The following EPB41L1 variants were observed in gnomAD, a reference collection of about 807,000 sequenced individuals.
The protein encoded by EPB41L1 is erythrocyte membrane protein band 4.1 like 1.
Under a neutral mutation model 97.8 loss-of-function variants are expected in EPB41L1, and 29 were observed. The ratio of observed to expected loss-of-function variants is 0.30; its 90% CI spans 0.22 to 0.40. The LOEUF (loss-of-function observed/expected upper bound fraction) is 0.40, where lower values mean the gene tolerates loss of function less well. Ranked by LOEUF, EPB41L1 falls within the 10% of genes least tolerant of loss-of-function variation. EPB41L1 has a pLI of 1.00. For synonymous variants in EPB41L1, 383 were observed against 459.2 expected, an observed-to-expected ratio of 0.83 and a Z score of 2.12; for missense variants, 812 against 1,162.3, an observed-to-expected ratio of 0.70 and a Z score of 4.38.
chr20:36,101,094 C>T (rs1297590328), intron 1 of EPB41L1, among the ~76,000 whole-genome samples: 2 of 152,160 alleles, frequency 1.3e-5, no homozygotes, highest in Non-Finnish European at 2.9e-5. Context: ...TTGCAAAGAG[C>T]ATTACTTTTG....
intron 14 of EPB41L1, among the ~76,000 whole-genome samples, chr20:36,204,435 T>G (rs1000939851): frequency 2.0e-5 from 3 of 151,088 alleles, no homozygotes; most frequent in African/African-American, 7.3e-5. Context: ...AGGTAGAGGC[T>G]GTTGGGAGAT....
At chr20:36,127,361 C>G (rs146382352) in intron 2 of EPB41L1, among the ~76,000 whole-genome samples, 162 of 152,294 alleles carry the variant, frequency 1.1e-3, no homozygotes, top group Non-Finnish European at 2.0e-3. Context: ...TGATTGGCTC[C>G]TGCTGGAGCT....
At position 36,207,202 on chromosome 20, in the gene EPB41L1, G is replaced by A. The variant is rs1330582372; in HGVS notation, c.1669-2286G>A. ...GCTCAGGGAGCCCTTTCTTAGACAT[G>A]TCCATCTTTCGAAAGCCAGCCCAGA... is the stretch of plus-strand genomic sequence containing the variant. On this transcript the variant is annotated intron_variant, in intron 14 of 21. Coordinates refer to ENST00000338074, the MANE Select transcript of EPB41L1 (RefSeq NM_012156.2). This position sits in a 1 kb window ranked among gnomAD's most constrained non-coding sequence, Gnocchi z 4.9. The A allele has an allele frequency of 7.8e-7, 1 of 1,285,704 alleles. No homozygotes were observed. Among genetic ancestry groups the A allele is most frequent in the Non-Finnish European group, 1.0e-6 (1 of 986,098 alleles). 79.6% of individuals were successfully genotyped at this position (1,285,704 alleles called of 1,614,324 possible).
At chr20:36,129,937 T>G (rs1239043637) in intron 2 of EPB41L1, among the ~76,000 whole-genome samples, 1 of 149,950 alleles carries the variant, frequency 6.7e-6, no homozygotes, top group Non-Finnish European at 1.5e-5. Flanking sequence ...CAGGTTTGTT[T>G]TTTTTTTTTG....
intron 2 of EPB41L1, among the ~76,000 whole-genome samples, chr20:36,117,325 T>C (rs773026465): frequency 7.2e-5 from 11 of 152,200 alleles, no homozygotes; most frequent in Non-Finnish European, 1.5e-4. Context: ...ATTTCTTCTG[T>C]GACTCTTACA....
intron 2 of EPB41L1, among the ~76,000 whole-genome samples, chr20:36,118,876 T>A (rs2058666870): frequency 6.6e-6 from 1 of 152,222 alleles, no homozygotes; most frequent in African/African-American, 2.4e-5. Context: ...AGGGCAAGAA[T>A]AATGATCCCC....
intron 2 of EPB41L1, among the ~76,000 whole-genome samples, chr20:36,141,376 G>A (rs898605712): frequency 1.2e-4 from 19 of 152,174 alleles, no homozygotes; most frequent in Non-Finnish European, 2.6e-4. Context: ...ATGAGGGAAT[G>A]GGACTCTGTT....
Position 36,229,497 on chromosome 20 carries a change from G to T in EPB41L1, c.*157G>T. The T allele has an allele frequency of 2.9e-6, 2 of 682,950 alleles. No individual in the cohort carries two copies. The highest frequency in any genetic ancestry group is 5.3e-6 in the Non-Finnish European group (2 of 377,444). 42.3% of individuals were successfully genotyped at this position (682,950 alleles called of 1,614,324 possible). Reference sequence around the variant, plus strand: ...GGGAAGGGAAAAGCATATATATATAGATATATAGAGATATAGATATATATA... The same window carrying T: ...GGGAAGGGAAAAGCATATATATATATATATATAGAGATATAGATATATATA... On this transcript the variant is annotated 3_prime_UTR_variant, in exon 22 of 22. Coordinates refer to ENST00000338074, the MANE Select transcript of EPB41L1 (RefSeq NM_012156.2).
At chr20:36,149,392 C>T (rs2059958640) in intron 2 of EPB41L1, among the ~76,000 whole-genome samples, 1 of 152,186 alleles carries the variant, frequency 6.6e-6, no homozygotes, top group Admixed American at 6.5e-5. Flanking sequence ...AGGCTTAACG[C>T]AGGAGGGTGT....
At chr20:36,144,945 T>G (rs1337833240) in intron 2 of EPB41L1, among the ~76,000 whole-genome samples, 1 of 152,050 alleles carries the variant, frequency 6.6e-6, no homozygotes, top group African/African-American at 2.4e-5. Context: ...GGATATGAAG[T>G]CAGGTCCTCT....
At chr20:36,102,142 G>A (rs1336954924) in intron 1 of EPB41L1, among the ~76,000 whole-genome samples, 1 of 152,090 alleles carries the variant, frequency 6.6e-6, no homozygotes, top group Non-Finnish European at 1.5e-5. Flanking sequence ...ATCCGAGGTA[G>A]GGCCCCGGAA....
chr20:36,211,279 C>A (rs554486759), intron 15 of EPB41L1, among the ~76,000 whole-genome samples: 93 of 151,700 alleles, frequency 6.1e-4, no homozygotes, highest in African/African-American at 2.1e-3. Flanking sequence ...CCCAACTACT[C>A]GGGAGGCAGG....
At chr20:36,216,398 G>C (rs539534564) in intron 17 of EPB41L1, among the ~76,000 whole-genome samples, 14 of 152,336 alleles carry the variant, frequency 9.2e-5, no homozygotes, top group Admixed American at 3.3e-4. Flanking sequence ...GAGGAGTCGG[G>C]GGGGAAGAGC....
chr20:36,178,530 A>G (rs1168183877), intron 4 of EPB41L1, 100 bp from the exon 5 acceptor site: 7 of 1,237,284 alleles, frequency 5.7e-6, no homozygotes, highest in African/African-American at 1.5e-5. Context: ...CGTTCCCTAC[A>G]AGGGGCTGCT....
intron 2 of EPB41L1, among the ~76,000 whole-genome samples, chr20:36,138,464 T>C (rs1200202306): frequency 6.6e-6 from 1 of 152,004 alleles, no homozygotes; most frequent in Non-Finnish European, 1.5e-5. Context: ...GGTTTCACCA[T>C]GTTGGCCAGG....
Position 36,209,358 on chromosome 20 carries a change from C to A in EPB41L1, c.1669-130C>A. 2 of 724,670 alleles carry A rather than the reference C, an allele frequency of 2.8e-6. No homozygotes were observed. The highest frequency in any genetic ancestry group is 4.0e-6 in the Non-Finnish European group (2 of 501,482). The allele number at this position is 724,670 out of a possible 1,614,324, so 44.9% of individuals were successfully genotyped here. ...ACCTTTCCTGGGGTGTTTTTCATTT[C>A]CTGGCCTGCTCTTCCATTCAGGATG... On this transcript the variant is annotated intron_variant, in intron 14 of 21. Transcript: ENST00000338074. The surrounding 1 kb of genome is among the most constrained non-coding windows in gnomAD (Gnocchi z 4.2).
chr20:36,155,877 G>A (rs367701631), intron 1 of EPB41L1: 17 of 260,970 alleles, frequency 6.5e-5, no homozygotes, highest in South Asian at 1.7e-4. Context: ...GGGCTGTGCG[G>A]GGTCCAGCGG....
intron 1 of EPB41L1, chr20:36,110,933 C>G (rs2058381646): frequency 6.6e-6 from 1 of 152,102 alleles, no homozygotes. Flanking sequence ...GGCTCCAGAC[C>G]CCAGCCGCAG....
At chr20:36,222,062 C>T in intron 20 of EPB41L1, 118 bp downstream of exon 20, 1 of 1,186,526 alleles carries the variant, frequency 8.4e-7, no homozygotes, top group Non-Finnish European at 1.3e-6. Flanking sequence ...TTCTTGCTGA[C>T]CCTGTTCAGA....
Sources: gnomAD v4.1 joint callset for allele counts (sites outside exome capture counted in the v4.1 genomes callset) on GRCh38, gnomAD v4.1.1 for gene constraint, Gnocchi (gnomAD v3.1) non-coding constraint, MANE v1.5 for transcripts, NCBI Gene and HGNC (gene_info 2026-07-23, HGNC 2026-07-21) for gene names.